Variants in ASL observed in about 807,000 individuals in gnomAD.
ASL encodes the protein argininosuccinate lyase.
In ASL, 51 loss-of-function variants were observed where a neutral mutation model predicts 69.1. The ratio of observed to expected loss-of-function variants is 0.74; its 90% CI spans 0.59 to 0.93. ASL has a LOEUF of 0.93. Ranked by LOEUF, ASL falls within the 40% of genes least tolerant of loss-of-function variation. ASL has a pLI of 0.00. For missense variants in ASL, 540 were observed against 623.9 expected, an observed-to-expected ratio of 0.87 and a Z score of 1.43; for synonymous variants, 241 against 247.6, an observed-to-expected ratio of 0.97 and a Z score of 0.25.
chr7:66,076,015 C>G, intron 1 of ASL, 24 bp from the exon 2 acceptor site: 1 of 1,560,640 alleles, frequency 6.4e-7, no homozygotes, highest in Admixed American at 1.9e-5. Context: ...CCAAGGAGGT[C>G]GTCAGTCCGG....
chr7:66,089,320 C>T lies in ASL; in HGVS notation c.963C>T (p.Tyr321=). ...LMTLKGLPST[Y]NKDLQEDKEA... is the part of the protein sequence containing the mutation. ...CCCTCAAGGGACTTCCCAGCACCTA[C>T]AACAAAGACTTACAGGTGCGAGGCC... is the stretch of plus-strand genomic sequence containing the variant. The change falls in exon 13 of 17, where the codon TAC becomes TAT. Residue 321 remains tyrosine, a synonymous_variant. Transcript: ENST00000304874. 6.2e-7 allele frequency: 1 copy of T among 1,608,068 alleles called. No individual in the cohort carries two copies. The highest frequency in any genetic ancestry group is 1.1e-5 in the South Asian group (1 of 90,320).
intron 6 of ASL, among the ~76,000 whole-genome samples, chr7:66,085,047 CGTGCCT>C (rs1289570675): frequency 6.6e-6 from 1 of 152,120 alleles, no homozygotes; most frequent in Non-Finnish European, 1.5e-5. Flanking sequence ...CTTGAGCCAC[CGTGCCT>C]GGCCTTGAGT....
rs923832737 is a variant in ASL at position 66,093,090 on chromosome 7, G to A, written c.*178G>A. 34 of 955,216 alleles carry A rather than the reference G, an allele frequency of 3.6e-5. No individual in the cohort carries two copies. The highest frequency in any genetic ancestry group is 4.4e-5 in the Non-Finnish European group (28 of 638,170). 59.2% of individuals were successfully genotyped at this position (955,216 alleles called of 1,614,324 possible). On this transcript the variant is annotated 3_prime_UTR_variant, in exon 17 of 17. Transcript: ENST00000304874. ...CCAGCACTTTGGAAGGGCAAGGTGC[G>A]AGGATGCTTGAGGCCAGGAGTTTGA...
chr7:66,080,521 G>C (rs1230875858), intron 2 of ASL, among the ~76,000 whole-genome samples: 1 of 151,492 alleles, frequency 6.6e-6, no homozygotes, highest in Non-Finnish European at 1.5e-5. Flanking sequence ...TCAGGAGTTC[G>C]AGACCAGCCT....
chr7:66,080,334 C>A (rs535601724), intron 2 of ASL, among the ~76,000 whole-genome samples: 1 of 135,382 alleles, frequency 7.4e-6, no homozygotes, highest in African/African-American at 2.8e-5. Context: ...TGCAGTGAGC[C>A]AAGATCCTGC....
chr7:66,081,026 A>G (rs1319743691), intron 2 of ASL, among the ~76,000 whole-genome samples: 2 of 152,198 alleles, frequency 1.3e-5, no homozygotes, highest in Non-Finnish European at 2.9e-5. Context: ...GGTGAAAAGC[A>G]TAGGTTCTGA....
At chr7:66,075,930 C>G (rs776090425) in intron 1 of ASL, 74 bp downstream of exon 1, 3 of 997,190 alleles carry the variant, frequency 3.0e-6, no homozygotes, top group Non-Finnish European at 4.5e-6. Context: ...CTCACGTCCG[C>G]GTCCCCAAGG....
intron 6 of ASL, 51 bp from the exon 7 acceptor site, chr7:66,086,534 G>A (rs1365321763): frequency 6.3e-7 from 1 of 1,596,400 alleles, no homozygotes; most frequent in Admixed American, 1.7e-5. Context: ...AGTGTCACAG[G>A]CAGGCCTTGC....
intron 8 of ASL, 29 bp from the exon 9 acceptor site, chr7:66,087,305 C>T: frequency 6.3e-7 from 1 of 1,599,154 alleles, no homozygotes. Context: ...GCCAGGAGCC[C>T]TGGTCACCAT....
chr7:66,085,706 CA>C (rs1253758353), intron 6 of ASL, among the ~76,000 whole-genome samples: 1 of 151,726 alleles, frequency 6.6e-6, no homozygotes, highest in African/African-American at 2.4e-5. Flanking sequence ...CTCCTGGGTT[CA>C]TGCCATTCTC....
chr7:66,086,263 A>G (rs1786658985), intron 6 of ASL, among the ~76,000 whole-genome samples: 1 of 152,036 alleles, frequency 6.6e-6, no homozygotes, highest in Admixed American at 6.6e-5. Flanking sequence ...GCCAAGTCAT[A>G]CCCAACATGG....
chr7:66,088,731 ACCT>A (rs1030224368), intron 10 of ASL, 73 bp from the exon 11 acceptor site: 3 of 1,308,220 alleles, frequency 2.3e-6, no homozygotes, highest in African/African-American at 1.5e-5. Context: ...CCACCGCCTA[ACCT>A]CCTCCTGCCC....
At chr7:66,078,140 C>T (rs1443576312) in intron 2 of ASL, among the ~76,000 whole-genome samples, 1 of 152,212 alleles carries the variant, frequency 6.6e-6, no homozygotes, top group East Asian at 1.9e-4. Context: ...TTACTAACAA[C>T]CTAGGCAGGG....
chr7:66,087,482 C>G, intron 9 of ASL, 96 bp downstream of exon 9: 1 of 1,450,458 alleles, frequency 6.9e-7, no homozygotes, highest in Non-Finnish European at 9.5e-7. Context: ...GGGCCTGTGG[C>G]TCCTGGTGAA....
chr7:66,089,462 G>T, intron 13 of ASL, 127 bp downstream of exon 13: 1 of 1,439,972 alleles, frequency 6.9e-7, no homozygotes, highest in Non-Finnish European at 9.5e-7. Flanking sequence ...ATCCGTGGCT[G>T]CCCTTGAACT....
In ASL at chr7:66,081,876, C is replaced by T; in HGVS notation, c.86C>T (p.Ala29Val). ...ATGGAGAAGTTCAACGCGTCCATTG[C>T]CTACGACCGGCACCTTTGGGAGGTG... ...PIMEKFNASI[A>V]YDRHLWEVDV... Residue 29 changes from alanine (A) to valine (V), a missense_variant, in exon 3 of 17, where the codon GCC (alanine) becomes GTC (valine). Ala to Val is a moderately conservative substitution (Grantham distance 64). Coordinates refer to ENST00000304874, the MANE Select transcript of ASL (RefSeq NM_000048.4). 6.2e-7 allele frequency: 1 copy of T among 1,614,056 alleles called. No homozygotes were observed.
chr7:66,076,148 G>T, intron 2 of ASL, 55 bp downstream of exon 2: 1 of 1,569,190 alleles, frequency 6.4e-7, no homozygotes, highest in East Asian at 2.4e-5. Flanking sequence ...AGAGAGTGGG[G>T]GCGCCAGACC....
At chr7:66,083,352 T>G in intron 6 of ASL, 178 bp downstream of exon 6, 1 of 623,744 alleles carries the variant, frequency 1.6e-6, no homozygotes. Flanking sequence ...CAGGCCCCAA[T>G]ACTCCCATGC....
chr7:66,089,524 G>A, intron 13 of ASL, 88 bp from the exon 14 acceptor site: 3 of 1,498,936 alleles, frequency 2.0e-6, no homozygotes, highest in Non-Finnish European at 2.8e-6. Flanking sequence ...GGAAGGCAGT[G>A]GGGATGCCTC....
Sources: gnomAD v4.1 joint callset for allele counts (sites outside exome capture counted in the v4.1 genomes callset) on GRCh38, gnomAD v4.1.1 for gene constraint, MANE v1.5 for transcripts, NCBI Gene and HGNC (gene_info 2026-07-23, HGNC 2026-07-21) for gene names.